RBM47: variants seen among roughly 807,000 people sequenced by gnomAD.
RBM47 encodes RNA binding motif protein 47.
Under a neutral mutation model 47.1 loss-of-function variants are expected in RBM47, and 21 were observed. The ratio of observed to expected loss-of-function variants is 0.45; its 90% confidence interval spans 0.32 to 0.64. The LOEUF (loss-of-function observed/expected upper bound fraction) is 0.64, where lower values mean the gene tolerates loss of function less well. Among genes scored for constraint, RBM47 ranks in the 30% least tolerant of loss-of-function variants. RBM47 has a pLI of 0.05. For missense variants in RBM47, 708 were observed against 870.9 expected (o/e 0.81, Z 2.35); for synonymous variants, 375 against 361.7 (o/e 1.04, Z -0.42).
At chr4:40,468,755 A>G (rs1410023029) in intron 2 of RBM47, among the ~76,000 whole-genome samples, 3 of 152,226 alleles carry the variant, frequency 2.0e-5, no homozygotes, top group African/African-American at 7.2e-5. Flanking sequence ...CCACACCCTC[A>G]AATAAATTAC....
chr4:40,474,177 C>G (rs957130060), intron 2 of RBM47, among the ~76,000 whole-genome samples: 1 of 152,186 alleles, frequency 6.6e-6, no homozygotes, highest in Non-Finnish European at 1.5e-5. Flanking sequence ...TCTGTCATAT[C>G]GGCAGAATTG....
intron 1 of RBM47, among the ~76,000 whole-genome samples, chr4:40,603,176 C>G (rs891387990): frequency 1.3e-5 from 2 of 152,170 alleles, no homozygotes; most frequent in African/African-American, 4.8e-5. Context: ...TTCATTTTGT[C>G]TGTTTTTGAA....
chr4:40,626,179 C>CA lies in RBM47; in HGVS notation c.-240+3216dup, dbSNP rs1190067609. Among the ~76,000 whole-genome samples the CA allele has an allele frequency of 1.1e-4, 16 of 152,172 alleles. No individual in the cohort carries two copies. The East Asian group carries it at 2.9e-3, about 27-fold the overall frequency. On this transcript the variant is annotated intron_variant, in intron 1 of 6. Coordinates refer to ENST00000295971, the MANE Select transcript of RBM47 (RefSeq NM_001098634.2). ...ACAAAAATGGAAGATTCATAACAAC[C>CA]AAAAAAGATGCTCCTGTTAAATATG...
At chr4:40,497,995 C>A (rs907846046) in intron 2 of RBM47, among the ~76,000 whole-genome samples, 1 of 141,162 alleles carries the variant, frequency 7.1e-6, no homozygotes, top group Admixed American at 7.2e-5. Flanking sequence ...TATCTCAAAA[C>A]CAAAACCAAA....
At position 40,528,945 on chromosome 4, in the gene RBM47, A is replaced by AT. The variant is rs1553896738; in HGVS notation, c.-155+15476_-155+15477insA. On this transcript the variant is annotated intron_variant, in intron 2 of 6. Coordinates refer to ENST00000295971, the MANE Select transcript of RBM47 (RefSeq NM_001098634.2). ...GCGACAGAGCGAGACTCCGTCTCAA[A>AT]AAAAAAATAAATAAATAAATAAATA... Among the ~76,000 whole-genome samples the AT allele has an allele frequency of 7.0e-4, 65 of 92,374 alleles. 1 individual carries two copies. The highest frequency in any genetic ancestry group is 2.1e-3 in the African/African-American group (37 of 17,488). The allele number at this position is 92,374 out of a possible 152,430, so 60.6% of individuals were successfully genotyped here. A position where few individuals can be genotyped will look rare whatever the true frequency, so the allele number is the denominator to read the frequency against.
chr4:40,466,771 T>TGGG (rs35753742), intron 2 of RBM47, 72 bp from the exon 3 acceptor site: 13 of 51,786 alleles, frequency 2.5e-4, no homozygotes, highest in African/African-American at 3.5e-4. Context: ...CATTAGAAAT[T>TGGG]GGGGGGGGGG....
intron 1 of RBM47, among the ~76,000 whole-genome samples, chr4:40,547,212 C>G (rs1302117281): frequency 6.6e-6 from 1 of 152,200 alleles, no homozygotes; most frequent in Non-Finnish European, 1.5e-5. Context: ...CAGTGCCCCT[C>G]CCTGCCCTGC....
chr4:40,565,864 C>T (rs543755501), intron 1 of RBM47, among the ~76,000 whole-genome samples: 129 of 151,816 alleles, frequency 8.5e-4, no homozygotes, highest in African/African-American at 2.9e-3. Flanking sequence ...CTTGACCCCA[C>T]GAAAGACCAG....
At chr4:40,549,116 G>C (rs1729305271) in intron 1 of RBM47, among the ~76,000 whole-genome samples, 5 of 150,906 alleles carry the variant, frequency 3.3e-5, no homozygotes. Flanking sequence ...TTTTGGGGGG[G>C]GGGACACAGA....
intron 2 of RBM47, among the ~76,000 whole-genome samples, chr4:40,518,074 G>A (rs1400399989): frequency 6.6e-6 from 1 of 150,910 alleles, no homozygotes; most frequent in Non-Finnish European, 1.5e-5. Context: ...CAATGAGGAT[G>A]AGAAAATGGG....
At chr4:40,583,057 G>A (rs1194553200) in intron 1 of RBM47, among the ~76,000 whole-genome samples, 10 of 152,164 alleles carry the variant, frequency 6.6e-5, no homozygotes, top group Admixed American at 3.3e-4. Flanking sequence ...GAAGAGACAG[G>A]GAAAAGGAGC....
chr4:40,549,568 G>A (rs578149622), intron 1 of RBM47, among the ~76,000 whole-genome samples: 2 of 150,180 alleles, frequency 1.3e-5, no homozygotes, highest in Admixed American at 1.3e-4. Context: ...TGTGGCCCAG[G>A]CTGGAGTACA....
intron 1 of RBM47, among the ~76,000 whole-genome samples, chr4:40,621,489 G>A (rs1737260250): frequency 6.6e-6 from 1 of 152,182 alleles, no homozygotes; most frequent in South Asian, 2.1e-4. Flanking sequence ...TCCGTTTCAT[G>A]CCAGGTCAAG....
At chr4:40,535,371 C>CTTTTGTTTTTTTTTTTTTTTTTTT (rs1727840677) in intron 2 of RBM47, among the ~76,000 whole-genome samples, 1 of 103,460 alleles carries the variant, frequency 9.7e-6, no homozygotes, top group Non-Finnish European at 1.9e-5. Flanking sequence ...TATGGTATTT[C>CTTTTGTTTTTTTTTTTTTTTTTTT]TTTTTTTTTT....
chr4:40,540,517 T>C (rs1728408019), intron 2 of RBM47, among the ~76,000 whole-genome samples: 2 of 151,316 alleles, frequency 1.3e-5, no homozygotes, highest in Admixed American at 1.3e-4. Flanking sequence ...CGCATGCCTG[T>C]AATCCCAGCT....
At chr4:40,568,980 T>C (rs1731387027) in intron 1 of RBM47, among the ~76,000 whole-genome samples, 2 of 144,050 alleles carry the variant, frequency 1.4e-5, no homozygotes, top group African/African-American at 5.2e-5. Context: ...AGACTCTGTC[T>C]CAAAAGATAG....
chr4:40,592,426 CTT>C (rs80061075), intron 1 of RBM47, among the ~76,000 whole-genome samples: 9 of 137,454 alleles, frequency 6.5e-5, no homozygotes, highest in Non-Finnish European at 6.3e-5. Flanking sequence ...TTTTTTTTTT[CTT>C]TTTTTTTTTT....
chr4:40,438,278 C>A lies in RBM47; in HGVS notation c.616G>T (p.Ala206Ser), dbSNP rs1553878373. 6.2e-7 allele frequency: 1 copy of A among 1,603,932 alleles called. No individual in the cohort carries two copies. The highest frequency in any genetic ancestry group is 1.1e-5 in the South Asian group (1 of 91,060). The change falls in exon 4 of 7, where the codon GCG becomes TCG. Residue 206 changes from alanine (A) to serine (S), a missense_variant. Ala to Ser is a moderately conservative substitution (Grantham distance 99). Coordinates refer to ENST00000295971, the MANE Select transcript of RBM47 (RefSeq NM_001098634.2). The stretch of plus-strand genomic sequence containing the variant: ...AGCTTGCGGCGAGCCATGGCAGCCG[C>A]GCGGTGGCTCTCGTACTCCACGAAG... ...FAFVEYESHRAAAMARRKLMP... is the reference protein window; with the variant it reads ...FAFVEYESHRSAAMARRKLMP...
At chr4:40,433,411 C>T (rs909967421) in intron 5 of RBM47, among the ~76,000 whole-genome samples, 1 of 152,142 alleles carries the variant, frequency 6.6e-6, no homozygotes, top group Non-Finnish European at 1.5e-5. Context: ...GTGGAAGAGA[C>T]CCCTAGAGTA....
Sources: allele counts gnomAD v4.1 joint callset (sites outside exome capture counted in the v4.1 genomes callset), GRCh38; gene constraint gnomAD v4.1.1; transcripts MANE v1.5; gene names NCBI Gene and HGNC (gene_info 2026-07-23, HGNC 2026-07-21).